HFM1: variants seen among roughly 807,000 people sequenced by gnomAD.
HFM1 encodes the protein probable ATP-dependent DNA helicase HFM1.
A neutral mutation model predicts 192.1 loss-of-function variants in HFM1; 169 were observed. The ratio of observed to expected loss-of-function variants is 0.88; its 90% CI spans 0.78 to 1.00. The LOEUF is 1.00. Ranked by LOEUF, HFM1 falls within the 50% of genes least tolerant of loss-of-function variation. The pLI is 0.00. For synonymous variants in HFM1, 525 were observed against 537.8 expected (o/e 0.98, Z 0.33); for missense variants, 1,661 against 1,668.0 (o/e 1.00, Z 0.07).
intron 13 of HFM1, among the ~76,000 whole-genome samples, chr1:91,358,502 C>A (rs1323206016): frequency 6.6e-6 from 1 of 152,008 alleles, no homozygotes; most frequent in African/African-American, 2.4e-5. Flanking sequence ...TCCAAACATA[C>A]ACAGTCAACT....
chr1:91,378,234 T>C (rs377446279), intron 10 of HFM1, 51 bp from the exon 11 acceptor site: 1 of 1,368,592 alleles, frequency 7.3e-7, no homozygotes, highest in Non-Finnish European at 1.0e-6. Flanking sequence ...AAAAATACAT[T>C]TAATCAATTA....
chr1:91,262,948 C>A (rs1333170096), intron 36 of HFM1, among the ~76,000 whole-genome samples: 1 of 152,090 alleles, frequency 6.6e-6, no homozygotes, highest in African/African-American at 2.4e-5. Flanking sequence ...CTATTCTGGT[C>A]TCATTGTAGT....
chr1:91,364,628 A>ATTTTTT (rs1407868515), intron 13 of HFM1, among the ~76,000 whole-genome samples: 8 of 59,298 alleles, frequency 1.3e-4, no homozygotes, highest in African/African-American at 3.0e-4. Flanking sequence ...ATATATATAT[A>ATTTTTT]TATATTTTTT....
In HFM1 at chr1:91,313,472, G is replaced by A. The variant is rs763315039; in HGVS notation, c.3268C>T (p.Leu1090Phe). The change falls in exon 30 of 39, where the codon CTT becomes TTT. Residue 1090 changes from leucine to phenylalanine, a missense_variant. Leu to Phe is a conservative substitution (Grantham distance 22, BLOSUM62 0). Transcript: ENST00000370425. ...TTGGGTTCTAAGTAAAAGACTGTAA[G>A]TTTCTGCTGAATATCAAGCCCAACT... ...EFVGLDIQQK[L>F]TVFYLEPKRF... is the part of the protein sequence containing the mutation. The A allele has an allele frequency of 1.9e-6, 3 of 1,585,228 alleles. No homozygotes were observed. The highest frequency in any genetic ancestry group is 2.7e-5 in the African/African-American group (2 of 73,760).
intron 13 of HFM1, among the ~76,000 whole-genome samples, chr1:91,360,132 G>A (rs1317525622): frequency 6.6e-6 from 1 of 151,592 alleles, no homozygotes; most frequent in Non-Finnish European, 1.5e-5. Flanking sequence ...ATATGGAAAG[G>A]ATAAACAAGT....
chr1:91,394,436 T>A, intron 3 of HFM1, 34 bp from the exon 4 acceptor site: 1 of 1,201,856 alleles, frequency 8.3e-7, no homozygotes, highest in South Asian at 1.5e-5. Flanking sequence ...TATTACATGT[T>A]CTCCATTAAA....
At chr1:91,377,010 T>C (rs1027684816) in intron 11 of HFM1, among the ~76,000 whole-genome samples, 3 of 151,732 alleles carry the variant, frequency 2.0e-5, no homozygotes, top group Non-Finnish European at 4.4e-5. Context: ...ATTGTTATAG[T>C]GTTTGATAAA....
At chr1:91,284,516 T>C (rs1044794493) in intron 30 of HFM1, among the ~76,000 whole-genome samples, 4 of 152,074 alleles carry the variant, frequency 2.6e-5, no homozygotes, top group African/African-American at 9.7e-5. Context: ...GCCTCCCAAA[T>C]TGTTGAGATT....
At chr1:91,270,229 C>G (rs1221954776) in intron 34 of HFM1, among the ~76,000 whole-genome samples, 2 of 152,000 alleles carry the variant, frequency 1.3e-5, no homozygotes, top group South Asian at 4.1e-4. Flanking sequence ...GAGAGATGTG[C>G]AGGAGGCAAA....
At chr1:91,295,401 C>G (rs745517635) in intron 30 of HFM1, among the ~76,000 whole-genome samples, 5 of 152,134 alleles carry the variant, frequency 3.3e-5, no homozygotes, top group Non-Finnish European at 7.3e-5. Flanking sequence ...TGAGGTTCCT[C>G]TCCTTGGCTT....
chr1:91,291,607 G>A (rs915891470), intron 30 of HFM1, among the ~76,000 whole-genome samples: 3 of 152,102 alleles, frequency 2.0e-5, no homozygotes, highest in Non-Finnish European at 2.9e-5. Flanking sequence ...ATTCATAGCC[G>A]AATTCTACCA....
At chr1:91,380,325 C>T in intron 7 of HFM1, 89 bp from the exon 8 acceptor site, 1 of 802,214 alleles carries the variant, frequency 1.2e-6, no homozygotes, top group Non-Finnish European at 1.8e-6. Context: ...TAGTAAGAAT[C>T]TAAGGAATAA....
chr1:91,319,465 A>G lies in HFM1; in HGVS notation c.2583-75T>C, dbSNP rs1651767485. The G allele has an allele frequency of 2.0e-5, 18 of 909,834 alleles. No individual in the cohort carries two copies. In the East Asian group the frequency reaches 4.5e-4, roughly 23 times the overall value. 56.4% of individuals were successfully genotyped at this position (909,834 alleles called of 1,614,324 possible). A position where few individuals can be genotyped will look rare whatever the true frequency, so the allele number is the denominator to read the frequency against. On this transcript the variant is annotated intron_variant, in intron 23 of 38. Transcript: ENST00000370425. ...CCCAGTATTTGATATCACTCACTGA[A>G]GTATTCCTTCTTAAAACTTTTCTCT...
chr1:91,356,160 A>G lies in HFM1; in HGVS notation c.1686-2861T>C, dbSNP rs147071883. 9.8e-4 allele frequency among the ~76,000 whole-genome samples: 150 copies of G among 152,324 alleles called. 2 individuals are homozygous for G. The East Asian group carries it at 0.029, about 29-fold the overall frequency. Reference sequence around the variant, plus strand: ...AATGGTCAAAGAAACCAAAAGGGAAATTAAAAAATATCTTGAGACAAGTAA... The same window carrying G: ...AATGGTCAAAGAAACCAAAAGGGAAGTTAAAAAATATCTTGAGACAAGTAA... On this transcript the variant is annotated intron_variant, in intron 13 of 38. Coordinates refer to ENST00000370425, the MANE Select transcript of HFM1 (RefSeq NM_001017975.6).
intron 30 of HFM1, among the ~76,000 whole-genome samples, chr1:91,290,985 G>A (rs1269535872): frequency 3.9e-5 from 6 of 152,044 alleles, no homozygotes. Context: ...CAGAAATAAA[G>A]ATGTTCTTTG....
In HFM1 at chr1:91,292,127, T is replaced by C. The variant is rs1668835426; in HGVS notation, c.3392-15065A>G. On this transcript the variant is annotated intron_variant, in intron 30 of 38. Transcript: ENST00000370425. ...ATGGACAAAAACTGGAAGCATTCCC[T>C]TTGAAAACTGGCACAAGACAGGGAT... Among the ~76,000 whole-genome samples the C allele has an allele frequency of 2.0e-5, 3 of 151,656 alleles. No individual in the cohort carries two copies. The South Asian group carries it at 6.3e-4, about 32-fold the overall frequency.
At chr1:91,329,367 A>G in intron 20 of HFM1, 2 of 1,597,160 alleles carry the variant, frequency 1.3e-6, no homozygotes, top group Non-Finnish European at 1.7e-6. Flanking sequence ...GCTGAGTAAG[A>G]GTCATTAAGG....
In HFM1 at chr1:91,351,639, T is replaced by A. The variant is rs767764848; in HGVS notation, c.1982A>T (p.Asp661Val). 1 of 1,572,906 alleles carries A rather than the reference T, an allele frequency of 6.4e-7. No homozygotes were observed. Among genetic ancestry groups the A allele is most frequent in the Non-Finnish European group, 8.7e-7 (1 of 1,150,482 alleles). Residue 661 changes from aspartate to valine, a missense_variant, in exon 17 of 39, where the codon GAC becomes GTC. Physicochemically the swap from Asp to Val is radical, Grantham distance 152. Coordinates refer to ENST00000370425, the MANE Select transcript of HFM1 (RefSeq NM_001017975.6). ...CATGATAACTGCAGTAGCTGTAGTG[T>A]CAAACTGGGGAGAAAACAAACAGAA... is the stretch of plus-strand genomic sequence containing the variant. Reference protein sequence around the residue: ...MIGRAGRPQFDTTATAVIMTR... With the variant: ...MIGRAGRPQFVTTATAVIMTR...
At chr1:91,367,942 C>G (rs939450214) in intron 13 of HFM1, among the ~76,000 whole-genome samples, 18 of 152,156 alleles carry the variant, frequency 1.2e-4, no homozygotes, top group African/African-American at 4.1e-4. Context: ...AGCACGAGAA[C>G]TATGTGACGA....
Sources: gnomAD v4.1 joint callset for allele counts (sites outside exome capture counted in the v4.1 genomes callset) on GRCh38, gnomAD v4.1.1 for gene constraint, MANE v1.5 for transcripts, NCBI Gene and HGNC (gene_info 2026-07-23, HGNC 2026-07-21) for gene names.